Variants in PARP15 observed in about 807,000 individuals in gnomAD.
PARP15 encodes poly(ADP-ribose) polymerase family member 15, also known as protein mono-ADP-ribosyltransferase PARP15.
Under a neutral mutation model 62.1 loss-of-function variants are expected in PARP15, and 50 were observed. The ratio of observed to expected loss-of-function variants is 0.81; its 90% CI spans 0.64 to 1.02. PARP15 has a LOEUF of 1.02. PARP15 is among the 50% of genes least tolerant of loss of function. The probability of loss-of-function intolerance (pLI) is 0.00; values close to 1 mark genes in which losing one functional copy is unlikely to be tolerated. For synonymous variants in PARP15, 309 were observed against 293.1 expected, an observed-to-expected ratio of 1.05 and a Z score of -0.55; for missense variants, 820 against 826.5, an observed-to-expected ratio of 0.99 and a Z score of 0.10.
chr3:122,614,546 C>T (rs1481483784), intron 4 of PARP15, among the ~76,000 whole-genome samples: 1 of 151,906 alleles, frequency 6.6e-6, no homozygotes, highest in Non-Finnish European at 1.5e-5. Flanking sequence ...GTTTTTTTCC[C>T]CCGGTAAATA....
chr3:122,636,639 A>G lies in PARP15; in HGVS notation c.*539A>G, dbSNP rs1937389510. The stretch of plus-strand genomic sequence containing the variant: ...AACAGATTTTACCTGTTTACATTTC[A>G]GGTAAAAATGTATCGCATTGTTATC... On this transcript the variant is annotated 3_prime_UTR_variant, in exon 12 of 12. Coordinates refer to ENST00000464300, the MANE Select transcript of PARP15 (RefSeq NM_001113523.3). The G allele has an allele frequency of 1.3e-5, 2 of 153,770 alleles. No individual in the cohort carries two copies. Among genetic ancestry groups the G allele is most frequent in the Admixed American group, 6.4e-5 (1 of 15,634 alleles). The allele number at this position is 153,770 out of a possible 1,614,324, so 9.5% of individuals were successfully genotyped here.
chr3:122,603,714 T>C (rs992430328), intron 1 of PARP15, among the ~76,000 whole-genome samples: 1 of 152,204 alleles, frequency 6.6e-6, no homozygotes, highest in African/African-American at 2.4e-5. Flanking sequence ...AAGTATTCTC[T>C]GGGTGGGAGA....
Position 122,638,370 on chromosome 3 carries a change from G to A in PARP15, c.*2270G>A, listed in dbSNP as rs1437086338. 2.0e-5 allele frequency: 3 copies of A among 151,980 alleles called. No individual in the cohort carries two copies. The highest frequency in any genetic ancestry group is 1.3e-4 in the Admixed American group (2 of 15,252). The allele number at this position is 151,980 out of a possible 1,614,324, so 9.4% of individuals were successfully genotyped here. A position where few individuals can be genotyped will look rare whatever the true frequency, so the allele number is the denominator to read the frequency against. On this transcript the variant is annotated 3_prime_UTR_variant, in exon 12 of 12. Transcript: ENST00000464300. Reference sequence around the variant, plus strand: ...TCTAGTTCTAGATCCCCGAGGAATCGCCACACTGACTTCCACAATGGTTGA... The same window carrying A: ...TCTAGTTCTAGATCCCCGAGGAATCACCACACTGACTTCCACAATGGTTGA...
chr3:122,633,499 G>A (rs1478116501), intron 10 of PARP15, among the ~76,000 whole-genome samples: 7 of 151,704 alleles, frequency 4.6e-5, no homozygotes, highest in Admixed American at 1.3e-4. Flanking sequence ...ATGGTTGAGT[G>A]TACTTAATGT....
At chr3:122,618,779 C>T (rs1247478362) in intron 6 of PARP15, among the ~76,000 whole-genome samples, 2 of 152,242 alleles carry the variant, frequency 1.3e-5, no homozygotes, top group South Asian at 2.1e-4. Flanking sequence ...ACATCGAGTG[C>T]CCAGCCCCTC....
chr3:122,611,839 C>T (rs1419857856), intron 3 of PARP15, among the ~76,000 whole-genome samples: 2 of 151,976 alleles, frequency 1.3e-5, no homozygotes, highest in Non-Finnish European at 2.9e-5. Context: ...CTCAGCCTCC[C>T]GAGTAGCTAG....
rs1402739138 is a variant in PARP15 at position 122,605,916 on chromosome 3, C to G, written c.187-20C>G. On this transcript the variant is annotated intron_variant, in intron 1 of 11. Coordinates refer to ENST00000464300, the MANE Select transcript of PARP15 (RefSeq NM_001113523.3). ...CTTGAAATTGGCATTGCTGGTAATG[C>G]TTTACTGTTTTCTCCACAGTCCAGA... 1 of 1,549,554 alleles carries G rather than the reference C, an allele frequency of 6.5e-7. No homozygotes were observed. The highest frequency in any genetic ancestry group is 8.7e-7 in the Non-Finnish European group (1 of 1,145,864).
intron 1 of PARP15, among the ~76,000 whole-genome samples, chr3:122,587,403 A>C (rs1016594772): frequency 6.6e-6 from 1 of 152,248 alleles, no homozygotes; most frequent in African/African-American, 2.4e-5. Context: ...ACCATTTTGC[A>C]TTCCCATCAA....
At position 122,624,011 on chromosome 3, in the gene PARP15, C is replaced by T. The variant is rs183046643; in HGVS notation, c.1231+2400C>T. 1.9e-3 allele frequency among the ~76,000 whole-genome samples: 282 copies of T among 152,118 alleles called. No individual in the cohort carries two copies. In the Middle Eastern group the frequency reaches 0.024, roughly 13 times the overall value. ...TACTAAAATAGAAAAATTAGCCAGG[C>T]GTGGTGGCGGACACCTCTAGTCTCA... is the stretch of plus-strand genomic sequence containing the variant. On this transcript the variant is annotated intron_variant, in intron 8 of 11. Coordinates refer to ENST00000464300, the MANE Select transcript of PARP15 (RefSeq NM_001113523.3).
At chr3:122,627,963 T>TC (rs1229056685) in intron 9 of PARP15, among the ~76,000 whole-genome samples, 2 of 152,264 alleles carry the variant, frequency 1.3e-5, no homozygotes, top group Non-Finnish European at 2.9e-5. Flanking sequence ...TAACTCATGT[T>TC]ATTATAAAGC....
At chr3:122,593,092 C>CTATCTATCTATCTA (rs1934057545) in intron 1 of PARP15, among the ~76,000 whole-genome samples, 1 of 62,706 alleles carries the variant, frequency 1.6e-5, no homozygotes, top group Non-Finnish European at 4.3e-5. Flanking sequence ...AATTATCTGT[C>CTATCTATCTATCTA]TATCTATCTA....
intron 1 of PARP15, chr3:122,594,635 C>A: frequency 2.2e-6 from 2 of 902,616 alleles, no homozygotes; most frequent in Non-Finnish European, 2.7e-6. Flanking sequence ...TAGAAATTAG[C>A]ATCTAATTTT....
intron 8 of PARP15, among the ~76,000 whole-genome samples, chr3:122,622,419 A>T (rs1936409560): frequency 6.6e-6 from 1 of 152,144 alleles, no homozygotes; most frequent in Non-Finnish European, 1.5e-5. Context: ...CTGGCCTGCC[A>T]TCCTTGCTTT....
At chr3:122,614,326 A>G (rs937663705) in intron 4 of PARP15, among the ~76,000 whole-genome samples, 7 of 152,142 alleles carry the variant, frequency 4.6e-5, no homozygotes, top group African/African-American at 1.7e-4. Context: ...TACTAACATC[A>G]CCACTTAAAC....
chr3:122,589,598 G>A (rs1020510837), intron 1 of PARP15, among the ~76,000 whole-genome samples: 2 of 152,122 alleles, frequency 1.3e-5, no homozygotes, highest in African/African-American at 4.8e-5. Context: ...ACCTCATTGT[G>A]GTTTTGATTT....
rs143268642 is a variant in PARP15, at chr3:122,610,652, C to T, written c.465C>T (p.Ser155=). ...EEKVGNIFMT[S]GCNLDCKAVL... ...AAGTAGGTAACATATTCATGACAAG[C>T]GGCTGCAATCTGGACTGCAAAGCTG... Residue 155 remains serine (S), a synonymous_variant, in exon 3 of 12, where the codon AGC becomes AGT. Coordinates refer to ENST00000464300, the MANE Select transcript of PARP15 (RefSeq NM_001113523.3). The T allele has an allele frequency of 1.4e-5, 22 of 1,551,032 alleles. No individual in the cohort carries two copies. The highest frequency in any genetic ancestry group is 1.4e-4 in the African/African-American group (10 of 73,018).
chr3:122,587,059 T>G (rs1241539986), intron 1 of PARP15, among the ~76,000 whole-genome samples: 1 of 152,182 alleles, frequency 6.6e-6, no homozygotes, highest in Non-Finnish European at 1.5e-5. Flanking sequence ...CTTTTCAGAT[T>G]GACTTTTTTC....
At chr3:122,621,395 C>T in intron 7 of PARP15, 49 bp from the exon 8 acceptor site, 1 of 1,537,262 alleles carries the variant, frequency 6.5e-7, no homozygotes, top group African/African-American at 1.4e-5. Context: ...AAAGTGTTGC[C>T]TCCAGTAATT....
intron 3 of PARP15, 45 bp from the exon 4 acceptor site, chr3:122,612,996 C>A (rs1935684566): frequency 1.3e-6 from 2 of 1,483,168 alleles, no homozygotes; most frequent in Non-Finnish European, 1.8e-6. Context: ...CTGTTTTCCG[C>A]TAGCTTAAGC....
Sources: allele counts gnomAD v4.1 joint callset (sites outside exome capture counted in the v4.1 genomes callset), GRCh38; gene constraint gnomAD v4.1.1; transcripts MANE v1.5; gene names NCBI Gene and HGNC (gene_info 2026-07-23, HGNC 2026-07-21).